The following COL9A1 variants were observed in gnomAD, a reference collection of about 807,000 sequenced individuals.
COL9A1 encodes the protein collagen type IX alpha 1 chain.
Under a neutral mutation model 142.6 loss-of-function variants are expected in COL9A1, and 104 were observed. The observed-to-expected ratio is 0.73, with a 90% CI of 0.62 to 0.86. The LOEUF is 0.86. Among genes scored for constraint, COL9A1 ranks in the 40% least tolerant of loss-of-function variants. COL9A1 has a pLI of 0.00. For synonymous variants in COL9A1, 466 were observed against 396.0 expected (o/e 1.18, Z -2.10); for missense variants, 1,210 against 1,176.6 (o/e 1.03, Z -0.42).
At chr6:70,280,423 C>T in intron 10 of COL9A1, 1 of 1,199,490 alleles carries the variant, frequency 8.3e-7, no homozygotes, top group East Asian at 4.3e-5. Flanking sequence ...AGGCTAGCTT[C>T]CAGGAGCCTG....
chr6:70,295,510 ACTCCTGAC>A (rs1165436754), intron 4 of COL9A1, among the ~76,000 whole-genome samples: 1 of 150,936 alleles, frequency 6.6e-6, no homozygotes, highest in Non-Finnish European at 1.5e-5. Flanking sequence ...CTGGTCTCGA[ACTCCTGAC>A]CTCAGGTGAT....
At chr6:70,244,671 T>G (rs975626546) in intron 28 of COL9A1, among the ~76,000 whole-genome samples, 3 of 152,218 alleles carry the variant, frequency 2.0e-5, no homozygotes, top group Admixed American at 6.5e-5. Flanking sequence ...TAAAGATGAT[T>G]ATTATACATT....
intron 5 of COL9A1, among the ~76,000 whole-genome samples, chr6:70,293,630 TTCACACACACACACAC>T (rs1440456016): frequency 2.7e-5 from 2 of 74,216 alleles, no homozygotes; most frequent in African/African-American, 1.0e-4. Context: ...CTCTCTCTCT[TTCACACACACACACAC>T]ACACACACAC....
At chr6:70,234,434 G>T in intron 35 of COL9A1, 105 bp downstream of exon 35, 1 of 1,155,780 alleles carries the variant, frequency 8.7e-7, no homozygotes, top group Non-Finnish European at 1.3e-6. Context: ...TATCTTTAAG[G>T]CACACAAAAA....
At chr6:70,220,441 G>A (rs1439203181) in intron 37 of COL9A1, among the ~76,000 whole-genome samples, 5 of 151,512 alleles carry the variant, frequency 3.3e-5, no homozygotes, top group Non-Finnish European at 1.5e-5. Context: ...AATTCCTTGG[G>A]CCTGAGTTGA....
intron 5 of COL9A1, among the ~76,000 whole-genome samples, chr6:70,291,776 T>C (rs1773669049): frequency 6.6e-6 from 1 of 152,130 alleles, no homozygotes; most frequent in Non-Finnish European, 1.5e-5. Context: ...AGGAAAAATA[T>C]GTGGTTGCAT....
rs369569016 is a variant in COL9A1, at chr6:70,234,498, A to C, written c.2314+41T>G. 5 of 1,596,688 alleles carry C rather than the reference A, an allele frequency of 3.1e-6. No individual in the cohort carries two copies. The African/African-American group carries it at 6.7e-5, about 21-fold the overall frequency. On this transcript the variant is annotated intron_variant, in intron 35 of 37. Transcript: ENST00000357250. ...CAAGAATAAAATCTTAAGAAACAAG[A>C]GTTGATGGTGGAAAAAGTCAAACCA...
intron 32 of COL9A1, 95 bp from the exon 33 acceptor site, chr6:70,239,381 G>A (rs1482947266): frequency 1.1e-6 from 1 of 871,634 alleles, no homozygotes; most frequent in East Asian, 2.4e-5. Context: ...CTAAAATACG[G>A]AAAACCATGA....
intron 9 of COL9A1, 47 bp downstream of exon 9, chr6:70,280,957 A>T (rs1773118572): frequency 1.2e-6 from 2 of 1,613,310 alleles, no homozygotes; most frequent in Non-Finnish European, 8.5e-7. Flanking sequence ...GCTGCAAAAC[A>T]CGTCTAAAGG....
chr6:70,220,386 C>A (rs1768799469), intron 37 of COL9A1, among the ~76,000 whole-genome samples: 1 of 54,014 alleles, frequency 1.9e-5, no homozygotes, highest in African/African-American at 7.5e-5. Context: ...AGGGGTGTGG[C>A]AGGGTGTGTG....
chr6:70,265,581 AC>A (rs892537517), intron 18 of COL9A1, among the ~76,000 whole-genome samples: 2 of 151,586 alleles, frequency 1.3e-5, no homozygotes, highest in Non-Finnish European at 3.0e-5. Context: ...ATTTGTCAAA[AC>A]TTTTAATGAC....
At chr6:70,297,292 G>A (rs1232100159) in intron 4 of COL9A1, among the ~76,000 whole-genome samples, 1 of 152,068 alleles carries the variant, frequency 6.6e-6, no homozygotes, top group East Asian at 1.9e-4. Flanking sequence ...TTAAACTAAT[G>A]GTAGCTGTCT....
At chr6:70,266,152 C>A (rs1485407253) in intron 18 of COL9A1, among the ~76,000 whole-genome samples, 1 of 152,130 alleles carries the variant, frequency 6.6e-6, no homozygotes. Context: ...ATGCCAGCTG[C>A]AATGCAAATT....
chr6:70,282,784 G>T (rs1773245636), intron 7 of COL9A1, 114 bp downstream of exon 7: 3 of 1,503,992 alleles, frequency 2.0e-6, no homozygotes, highest in Non-Finnish European at 2.7e-6. Flanking sequence ...GGAAGCGCGG[G>T]TCTGAGAGCC....
At chr6:70,267,042 T>G (rs903935811) in intron 17 of COL9A1, among the ~76,000 whole-genome samples, 3 of 152,238 alleles carry the variant, frequency 2.0e-5, no homozygotes, top group Admixed American at 2.0e-4. Context: ...TTGCCTGCTA[T>G]TTCCTAGATC....
chr6:70,232,836 A>G, intron 35 of COL9A1, 65 bp from the exon 36 acceptor site: 1 of 1,504,446 alleles, frequency 6.6e-7, no homozygotes, highest in Non-Finnish European at 9.1e-7. Context: ...TAATGAAAAG[A>G]GAGGTATTCC....
chr6:70,290,093 G>A (rs3806104), intron 5 of COL9A1, among the ~76,000 whole-genome samples: 26,256 of 151,970 alleles, frequency 0.17, 3,272 homozygotes, highest in East Asian at 0.46. Context: ...ATATGCTCAG[G>A]TAAAAAGAAG....
rs1772209520 is a variant in COL9A1, at chr6:70,268,843, T to C, written c.1248A>G (p.Pro416=). 1.2e-6 allele frequency: 2 copies of C among 1,613,854 alleles called. No homozygotes were observed. The highest frequency in any genetic ancestry group is 1.7e-6 in the Non-Finnish European group (2 of 1,179,884). ...DGDPLCPNAC[P]PGRSGYPGLP... is the part of the protein sequence containing the mutation. ...GGCCTGGATATCCTGAGCGACCTGG[T>C]GGACAGGCATTGGGACACTGCCAGG... The change falls in exon 17 of 38, where the codon CCA becomes CCG. Residue 416 remains proline (P), a synonymous_variant. Coordinates refer to ENST00000357250, the MANE Select transcript of COL9A1 (RefSeq NM_001851.6).
At position 70,282,779 on chromosome 6, in the gene COL9A1, C is replaced by A; in HGVS notation, c.801+119G>T. ...GGCAGGTGCTCGAGGCTGGAGGAAG[C>A]GCGGGTCTGAGAGCCCTGGGGATGC... On this transcript the variant is annotated intron_variant, in intron 7 of 37. Coordinates refer to ENST00000357250, the MANE Select transcript of COL9A1 (RefSeq NM_001851.6). 3 of 1,467,586 alleles carry A rather than the reference C, an allele frequency of 2.0e-6. No individual in the cohort carries two copies. The South Asian group carries it at 3.5e-5, about 17-fold the overall frequency. 90.9% of individuals were successfully genotyped at this position (1,467,586 alleles called of 1,614,324 possible).
Sources: gnomAD v4.1 joint callset for allele counts (sites outside exome capture counted in the v4.1 genomes callset) on GRCh38, gnomAD v4.1.1 for gene constraint, MANE v1.5 for transcripts, NCBI Gene and HGNC (gene_info 2026-07-23, HGNC 2026-07-21) for gene names.